Variants in CACNA1A observed in about 807,000 individuals in gnomAD.
CACNA1A encodes calcium voltage-gated channel subunit alpha1 A.
A neutral mutation model predicts 262.4 loss-of-function variants in CACNA1A; 57 were observed. That is an observed-to-expected ratio of 0.22 (90% CI 0.18 to 0.27). The LOEUF (loss-of-function observed/expected upper bound fraction) is 0.27, where lower values mean the gene tolerates loss of function less well. Among genes scored for constraint, CACNA1A ranks in the 10% least tolerant of loss-of-function variants. The probability of loss-of-function intolerance (pLI) is 1.00; values close to 1 mark genes in which losing one functional copy is unlikely to be tolerated. For missense variants in CACNA1A, 2,526 were observed against 3,562.8 expected (o/e 0.71, Z 7.41); for synonymous variants, 1,431 against 1,419.3 (o/e 1.01, Z -0.18).
intron 38 of CACNA1A, among the ~76,000 whole-genome samples, chr19:13,221,210 G>GTTTTTTC (rs1555734384): frequency 3.1e-3 from 69 of 22,448 alleles, no homozygotes; most frequent in Admixed American, 0.014. Context: ...GGTCCCATTT[G>GTTTTTTC]TTTTTTCTTT....
intron 3 of CACNA1A, among the ~76,000 whole-genome samples, chr19:13,391,898 A>G (rs1164454255): frequency 6.6e-6 from 1 of 151,906 alleles, no homozygotes; most frequent in Non-Finnish European, 1.5e-5. Context: ...TTAGCCAGGC[A>G]TGGTGGCTTG....
chr19:13,223,032 T>C (rs1043331401), intron 38 of CACNA1A, among the ~76,000 whole-genome samples: 2 of 152,008 alleles, frequency 1.3e-5, no homozygotes, highest in African/African-American at 4.8e-5. Flanking sequence ...TCTTTTTCTT[T>C]CTGTTGTTTT....
chr19:13,334,824 C>T (rs2058535208), intron 7 of CACNA1A, among the ~76,000 whole-genome samples: 1 of 151,880 alleles, frequency 6.6e-6, no homozygotes, highest in African/African-American at 2.4e-5. Flanking sequence ...CATTTAAGGC[C>T]AGGAATTTGA....
rs763992341 is a variant in CACNA1A, at chr19:13,207,690, C to A, written c.7144G>T (p.Ala2382Ser). Residue 2382 changes from alanine (A) to serine (S), a missense_variant, in exon 47 of 47, where the codon GCC (alanine) becomes TCC (serine). Physicochemically the swap from Ala to Ser is moderately conservative, Grantham distance 99 (BLOSUM62 1). Transcript: ENST00000360228. The surrounding 1 kb of genome is among the most constrained non-coding windows in gnomAD (Gnocchi z 5.7). The part of the protein sequence containing the change: ...PGPARSESPR[A>S]CRHGGARWPA... ...CACCGGGCCCCGCCGTGTCGACAGGCCCTGGGGGACTCGCTCCGGGCCGGG... is the reference window on the plus strand; with the variant it reads ...CACCGGGCCCCGCCGTGTCGACAGGACCTGGGGGACTCGCTCCGGGCCGGG... The A allele has an allele frequency of 3.0e-5, 42 of 1,394,756 alleles. No individual in the cohort carries two copies. The highest frequency in any genetic ancestry group is 3.6e-5 in the Non-Finnish European group (39 of 1,075,586). 86.4% of individuals were successfully genotyped at this position (1,394,756 alleles called of 1,614,324 possible). A position where few individuals can be genotyped will look rare whatever the true frequency, so the allele number is the denominator to read the frequency against.
chr19:13,224,450 G>A (rs868389594), intron 38 of CACNA1A, among the ~76,000 whole-genome samples: 56 of 144,962 alleles, frequency 3.9e-4, no homozygotes, highest in African/African-American at 1.4e-3. Flanking sequence ...TCATGTCACC[G>A]CACTGCTGCC....
intron 4 of CACNA1A, among the ~76,000 whole-genome samples, chr19:13,368,359 G>A (rs1180366661): frequency 1.3e-5 from 2 of 150,548 alleles, no homozygotes; most frequent in Non-Finnish European, 2.9e-5. Context: ...TTTTGAGATG[G>A]GCTTGCTCTG....
intron 3 of CACNA1A, among the ~76,000 whole-genome samples, chr19:13,422,242 G>A (rs1213768508): frequency 6.6e-6 from 1 of 152,174 alleles, no homozygotes; most frequent in Non-Finnish European, 1.5e-5. Context: ...GATCACTTGA[G>A]CCCAGGAGTT....
At chr19:13,478,398 G>GTCTTGAACT (rs1309276704) in intron 1 of CACNA1A, among the ~76,000 whole-genome samples, 1 of 152,094 alleles carries the variant, frequency 6.6e-6, no homozygotes, top group Non-Finnish European at 1.5e-5. Context: ...ACTCACTGCG[G>GTCTTGAACT]TCTTGAACTC....
chr19:13,453,220 C>T (rs2060947034), intron 2 of CACNA1A, among the ~76,000 whole-genome samples: 2 of 152,216 alleles, frequency 1.3e-5, no homozygotes, highest in African/African-American at 4.8e-5. Context: ...AGGCACCTTC[C>T]TCCTTCATTC....
chr19:13,297,043 AAAG>A (rs1443216133), intron 19 of CACNA1A, among the ~76,000 whole-genome samples: 1 of 152,186 alleles, frequency 6.6e-6, no homozygotes, highest in Non-Finnish European at 1.5e-5. Context: ...TCAAACTTCC[AAAG>A]AATAGCATTA....
chr19:13,219,781 GTTT>G (rs2055152943), intron 38 of CACNA1A, among the ~76,000 whole-genome samples: 2 of 151,578 alleles, frequency 1.3e-5, no homozygotes, highest in African/African-American at 4.8e-5. Flanking sequence ...GTGAAACCCC[GTTT>G]CTACTAAAAA....
intron 30 of CACNA1A, among the ~76,000 whole-genome samples, chr19:13,250,509 G>C (rs2056368430): frequency 6.6e-6 from 1 of 152,078 alleles, no homozygotes; most frequent in Non-Finnish European, 1.5e-5. Flanking sequence ...TGATTCTCCT[G>C]CCTCAGCCTC....
At chr19:13,345,240 A>T (rs1319542108) in intron 6 of CACNA1A, among the ~76,000 whole-genome samples, 3 of 152,120 alleles carry the variant, frequency 2.0e-5, no homozygotes, top group African/African-American at 7.2e-5. Context: ...TGCCTGGTGG[A>T]TGGAGAAACT....
At chr19:13,262,156 C>T (rs1410497155) in intron 25 of CACNA1A, 1 of 157,146 alleles carries the variant, frequency 6.4e-6, no homozygotes, top group Non-Finnish European at 1.4e-5. Flanking sequence ...ACACTCCTGC[C>T]TTGGTCTTTC....
At chr19:13,499,481 C>A (rs968498208) in intron 1 of CACNA1A, among the ~76,000 whole-genome samples, 4 of 150,824 alleles carry the variant, frequency 2.7e-5, no homozygotes, top group African/African-American at 9.9e-5. Context: ...CATTCCCACC[C>A]AGAAAGCCTC....
chr19:13,234,694 G>T, intron 34 of CACNA1A: 1 of 531,300 alleles, frequency 1.9e-6, no homozygotes, highest in South Asian at 2.4e-5. Context: ...AAAGGAGGAG[G>T]AGGGCACGCC....
chr19:13,209,074 A>G, intron 45 of CACNA1A, 65 bp from the exon 46 acceptor site: 1 of 1,531,948 alleles, frequency 6.5e-7, no homozygotes, highest in South Asian at 1.2e-5. Context: ...GCAGATGCAC[A>G]CACAGGAGGC....
chr19:13,383,560 C>T (rs1335635857), intron 3 of CACNA1A, among the ~76,000 whole-genome samples: 1 of 152,202 alleles, frequency 6.6e-6, no homozygotes, highest in Admixed American at 6.5e-5. Flanking sequence ...CCTTGTCCCA[C>T]AACACCCTGG....
intron 19 of CACNA1A, among the ~76,000 whole-genome samples, chr19:13,290,756 C>CATAT (rs140745309): frequency 0.054 from 8,212 of 151,756 alleles, 313 homozygotes; most frequent in East Asian, 0.12. Flanking sequence ...TATACATACA[C>CATAT]ATATATATAC....
Sources: gnomAD v4.1 joint callset for allele counts (sites outside exome capture counted in the v4.1 genomes callset) on GRCh38, gnomAD v4.1.1 for gene constraint, Gnocchi (gnomAD v3.1) non-coding constraint, MANE v1.5 for transcripts, NCBI Gene and HGNC (gene_info 2026-07-23, HGNC 2026-07-21) for gene names.